The following SOX5 variants were observed in gnomAD, a reference collection of about 807,000 sequenced individuals.
SOX5 encodes the protein SRY-box transcription factor 5.
A neutral mutation model predicts 92.0 loss-of-function variants in SOX5; 9 were observed. The ratio of observed to expected loss-of-function variants is 0.10; its 90% CI spans 0.06 to 0.17. SOX5 has a LOEUF of 0.17. Ranked by LOEUF, SOX5 falls within the 10% of genes least tolerant of loss-of-function variation. SOX5 has a pLI of 1.00. For missense variants in SOX5, 642 were observed against 944.5 expected (o/e 0.68, Z 4.20); for synonymous variants, 344 against 336.3 (o/e 1.02, Z -0.25).
chr12:23,682,212 T>C (rs1049330042), intron 6 of SOX5, among the ~76,000 whole-genome samples: 2 of 151,796 alleles, frequency 1.3e-5, no homozygotes, highest in African/African-American at 4.8e-5. Context: ...ATTTCAGAGA[T>C]TTAGTGCTGT....
At chr12:23,859,376 A>G (rs2096729076) in intron 2 of SOX5, among the ~76,000 whole-genome samples, 2 of 152,176 alleles carry the variant, frequency 1.3e-5, no homozygotes, top group Non-Finnish European at 2.9e-5. Context: ...TGCAGTTGAG[A>G]TAAGGGATGA....
chr12:24,040,907 A>C (rs897927744), intron 4 of SOX5, among the ~76,000 whole-genome samples: 2 of 152,108 alleles, frequency 1.3e-5, no homozygotes, highest in Non-Finnish European at 2.9e-5. Flanking sequence ...ATTTAATGGT[A>C]GAATACTTGC....
intron 1 of SOX5, among the ~76,000 whole-genome samples, chr12:24,409,996 T>C (rs1261795596): frequency 2.1e-5 from 3 of 144,874 alleles, no homozygotes; most frequent in Admixed American, 1.4e-4. Context: ...ATCTTTCACA[T>C]AGCAACTTTT....
intron 6 of SOX5, among the ~76,000 whole-genome samples, chr12:23,704,062 C>G (rs1567095034): frequency 6.6e-6 from 1 of 151,882 alleles, no homozygotes; most frequent in African/African-American, 2.4e-5. Context: ...CAGCAGTAGA[C>G]AGAACTACAT....
chr12:23,991,752 T>G (rs557976307), intron 4 of SOX5, among the ~76,000 whole-genome samples: 8 of 150,360 alleles, frequency 5.3e-5, no homozygotes, highest in Non-Finnish European at 1.2e-4. Context: ...ACAGGAGGTT[T>G]TTTTTTTTTT....
chr12:23,536,349 T>C, intron 14 of SOX5, 104 bp downstream of exon 14: 1 of 892,866 alleles, frequency 1.1e-6, no homozygotes, highest in Non-Finnish European at 1.8e-6. Flanking sequence ...TGAGCTCAGA[T>C]TCTTTTTCAA....
chr12:24,042,530 C>A (rs1254622513), intron 4 of SOX5, among the ~76,000 whole-genome samples: 1 of 152,066 alleles, frequency 6.6e-6, no homozygotes, highest in African/African-American at 2.4e-5. Flanking sequence ...TTGAAAGTTT[C>A]TCTAGATAAT....
At chr12:23,875,985 C>G (rs1034649733) in intron 2 of SOX5, among the ~76,000 whole-genome samples, 15 of 152,148 alleles carry the variant, frequency 9.9e-5, no homozygotes, top group African/African-American at 3.6e-4. Flanking sequence ...TGGCTCTGTT[C>G]AATAGAACTG....
In SOX5 at chr12:24,068,741, TATATATACACAC is replaced by T. The variant is rs1483381737; in HGVS notation, c.-2+144590_-2+144601del. On this transcript the variant is annotated intron_variant, in intron 4 of 4. Transcript: ENST00000446891. ...ATATATATATATATATATATATATATATATATACACACACACACATTAGTTCCTAGTTTATAT... is the reference window on the plus strand; with the variant it reads ...ATATATATATATATATATATATATATACACACATTAGTTCCTAGTTTATAT... Among the ~76,000 whole-genome samples the T allele has an allele frequency of 1.3e-4, 10 of 77,244 alleles. No individual in the cohort carries two copies. In the South Asian group the frequency reaches 2.2e-3, roughly 17 times the overall value. 50.7% of individuals were successfully genotyped at this position (77,244 alleles called of 152,430 possible).
intron 4 of SOX5, among the ~76,000 whole-genome samples, chr12:23,742,793 A>G (rs1369056348): frequency 6.6e-6 from 1 of 152,180 alleles, no homozygotes; most frequent in Non-Finnish European, 1.5e-5. Flanking sequence ...AGAGTTCGAG[A>G]CCAGACTGGA....
chr12:24,157,427 A>G (rs1952299141), intron 4 of SOX5, among the ~76,000 whole-genome samples: 1 of 152,180 alleles, frequency 6.6e-6, no homozygotes, highest in Non-Finnish European at 1.5e-5. Flanking sequence ...ACAAATGCAG[A>G]GAAACAAATA....
At chr12:23,798,559 T>G (rs561535140) in intron 3 of SOX5, among the ~76,000 whole-genome samples, 1 of 142,994 alleles carries the variant, frequency 7.0e-6, no homozygotes, top group South Asian at 2.2e-4. Flanking sequence ...ACATATATAA[T>G]AGCAATATCC....
intron 1 of SOX5, among the ~76,000 whole-genome samples, chr12:24,491,945 C>T (rs1409501242): frequency 6.6e-6 from 1 of 151,702 alleles, no homozygotes; most frequent in Non-Finnish European, 1.5e-5. Flanking sequence ...AATGCATTTG[C>T]TGAATTAGGA....
At chr12:23,872,372 TACTG>T (rs1300910147) in intron 2 of SOX5, among the ~76,000 whole-genome samples, 6 of 151,904 alleles carry the variant, frequency 3.9e-5, no homozygotes, top group East Asian at 1.9e-4. Context: ...ACCTTCAACT[TACTG>T]ACTAACAATT....
intron 3 of SOX5, among the ~76,000 whole-genome samples, chr12:23,768,763 A>G (rs2141474789): frequency 6.6e-6 from 1 of 152,276 alleles, no homozygotes; most frequent in Non-Finnish European, 1.5e-5. Flanking sequence ...AAGTCATTGC[A>G]ATAAATTTGT....
At chr12:23,911,948 A>G (rs1345329639) in intron 1 of SOX5, among the ~76,000 whole-genome samples, 3 of 152,158 alleles carry the variant, frequency 2.0e-5, no homozygotes, top group African/African-American at 4.8e-5. Flanking sequence ...AAACAGATAC[A>G]TTGGACTTCA....
intron 6 of SOX5, among the ~76,000 whole-genome samples, chr12:23,725,456 C>G (rs182507448): frequency 1.1e-3 from 175 of 152,202 alleles, no homozygotes; most frequent in African/African-American, 3.9e-3. Flanking sequence ...ATCATGAGAA[C>G]AGCATGGGAA....
At chr12:24,095,128 C>CACACACAG (rs1345578614) in intron 4 of SOX5, among the ~76,000 whole-genome samples, 116 of 90,216 alleles carry the variant, frequency 1.3e-3, no homozygotes, top group East Asian at 7.4e-3. Flanking sequence ...CACACACACA[C>CACACACAG]AGAGAGAGAG....
chr12:24,090,792 G>A (rs965914613), intron 4 of SOX5, among the ~76,000 whole-genome samples: 1 of 152,156 alleles, frequency 6.6e-6, no homozygotes, highest in South Asian at 2.1e-4. Context: ...AGATAATGGG[G>A]AAATGATATT....
Sources: gnomAD v4.1 joint callset for allele counts (sites outside exome capture counted in the v4.1 genomes callset) on GRCh38, gnomAD v4.1.1 for gene constraint, MANE v1.5 for transcripts, NCBI Gene and HGNC (gene_info 2026-07-23, HGNC 2026-07-21) for gene names.